GABRB1: variants seen among roughly 807,000 people sequenced by gnomAD.
The protein encoded by GABRB1 is gamma-aminobutyric acid receptor subunit beta-1.
GABRB1 carries 17 observed loss-of-function variants against 51.6 expected under a neutral mutation model. The observed-to-expected ratio is 0.33, with a 90% CI of 0.23 to 0.49. The LOEUF (loss-of-function observed/expected upper bound fraction) is 0.49. GABRB1 is among the 20% of genes least tolerant of loss of function. The pLI, the probability that GABRB1 is intolerant of heterozygous loss-of-function variation, is 0.99. For missense variants in GABRB1, 410 were observed against 600.6 expected (o/e 0.68, Z 3.32); for synonymous variants, 247 against 218.9 (o/e 1.13, Z -1.14).
At chr4:47,284,055 G>A (rs576242123) in intron 4 of GABRB1, among the ~76,000 whole-genome samples, 1 of 136,496 alleles carries the variant, frequency 7.3e-6, no homozygotes, top group East Asian at 2.2e-4. Flanking sequence ...CCGGGTCAGC[G>A]CCACTGCACT....
intron 4 of GABRB1, among the ~76,000 whole-genome samples, chr4:47,264,695 A>T (rs1057360968): frequency 6.6e-6 from 1 of 152,238 alleles, no homozygotes; most frequent in African/African-American, 2.4e-5. Context: ...TAAAGTGTAG[A>T]ATTACATGAA....
rs17539515 is a variant in GABRB1, at chr4:47,274,167, T to C, written c.462-45960T>C. Among the ~76,000 whole-genome samples, 836 of 152,266 alleles carry C rather than the reference T, an allele frequency of 5.5e-3. 4 individuals carry two copies. The highest frequency in any genetic ancestry group is 0.014 in the Middle Eastern group (4 of 294). On this transcript the variant is annotated intron_variant, in intron 4 of 8. Coordinates refer to ENST00000295454, the MANE Select transcript of GABRB1 (RefSeq NM_000812.4). Reference sequence around the variant, plus strand: ...TGGCTCAAATCCAAATTTTACTTCTTGCTACATACACTTAACCTTATTAAG... The same window carrying C: ...TGGCTCAAATCCAAATTTTACTTCTCGCTACATACACTTAACCTTATTAAG...
chr4:47,184,915 G>T (rs765695622), intron 4 of GABRB1, among the ~76,000 whole-genome samples: 1 of 151,722 alleles, frequency 6.6e-6, no homozygotes, highest in Non-Finnish European at 1.5e-5. Flanking sequence ...AACAGGTCAG[G>T]ACTCAGGGGT....
At chr4:47,366,659 C>G (rs1448388777) in intron 5 of GABRB1, among the ~76,000 whole-genome samples, 3 of 152,112 alleles carry the variant, frequency 2.0e-5, no homozygotes, top group Admixed American at 2.0e-4. Context: ...ATTATCCCCC[C>G]TTTTGAAACA....
At chr4:47,282,101 CTCTT>C (rs1723313348) in intron 4 of GABRB1, among the ~76,000 whole-genome samples, 1 of 152,114 alleles carries the variant, frequency 6.6e-6, no homozygotes, top group South Asian at 2.1e-4. Context: ...AATTGATTGA[CTCTT>C]TCTATAATAG....
intron 4 of GABRB1, among the ~76,000 whole-genome samples, chr4:47,195,292 G>A (rs1266031402): frequency 3.3e-5 from 5 of 152,140 alleles, no homozygotes; most frequent in South Asian, 2.1e-4. Flanking sequence ...GCGTGAACCC[G>A]GGAGGTGGAG....
intron 4 of GABRB1, among the ~76,000 whole-genome samples, chr4:47,300,433 A>G (rs1472795562): frequency 6.6e-6 from 1 of 152,136 alleles, no homozygotes; most frequent in Non-Finnish European, 1.5e-5. Flanking sequence ...TTGTCAGAAT[A>G]ATGATCCAGT....
chr4:47,299,824 A>G (rs1352053475), intron 4 of GABRB1, among the ~76,000 whole-genome samples: 3 of 152,056 alleles, frequency 2.0e-5, no homozygotes, highest in African/African-American at 4.8e-5. Flanking sequence ...ACAATAGCAA[A>G]GACTTGGAAC....
chr4:47,147,512 A>C (rs1717224965), intron 3 of GABRB1, among the ~76,000 whole-genome samples: 1 of 152,096 alleles, frequency 6.6e-6, no homozygotes, highest in Non-Finnish European at 1.5e-5. Context: ...GGATGTAGCA[A>C]GAGAATTACG....
chr4:47,249,548 T>C (rs1721900021), intron 4 of GABRB1, among the ~76,000 whole-genome samples: 1 of 151,992 alleles, frequency 6.6e-6, no homozygotes, highest in African/African-American at 2.4e-5. Flanking sequence ...ACTATTATTG[T>C]GTTGCTGTCT....
intron 5 of GABRB1, among the ~76,000 whole-genome samples, chr4:47,349,250 G>A (rs891346072): frequency 6.6e-6 from 1 of 152,084 alleles, no homozygotes; most frequent in Non-Finnish European, 1.5e-5. Context: ...GGTGACACAG[G>A]GTAAGGAAGA....
intron 4 of GABRB1, among the ~76,000 whole-genome samples, chr4:47,295,767 G>T (rs1723963666): frequency 6.6e-6 from 1 of 152,130 alleles, no homozygotes; most frequent in African/African-American, 2.4e-5. Context: ...ATGCCACAAA[G>T]ATACTCCTCG....
chr4:47,282,416 T>C (rs2109909271), intron 4 of GABRB1, among the ~76,000 whole-genome samples: 1 of 152,352 alleles, frequency 6.6e-6, no homozygotes, highest in Middle Eastern at 3.4e-3. Context: ...TATATACTTT[T>C]TAACTGATGT....
At chr4:47,350,200 T>TAGAGAG (rs1440025559) in intron 5 of GABRB1, among the ~76,000 whole-genome samples, 3 of 87,734 alleles carry the variant, frequency 3.4e-5, no homozygotes, top group South Asian at 4.2e-4. Flanking sequence ...TATATATATA[T>TAGAGAG]ATATATATAT....
At chr4:47,348,037 C>A (rs1390261969) in intron 5 of GABRB1, among the ~76,000 whole-genome samples, 1 of 152,096 alleles carries the variant, frequency 6.6e-6, no homozygotes, top group Non-Finnish European at 1.5e-5. Flanking sequence ...AACAGAATGC[C>A]TCCTCCTTCT....
At chr4:47,354,166 G>A (rs985912426) in intron 5 of GABRB1, among the ~76,000 whole-genome samples, 2 of 152,114 alleles carry the variant, frequency 1.3e-5, no homozygotes, top group African/African-American at 4.8e-5. Flanking sequence ...GTAGCACAGG[G>A]GGCAGCCCTC....
chr4:47,031,485 G>A (rs1041617849), upstream of GABRB1: 1 of 626,510 alleles, frequency 1.6e-6, no homozygotes, highest in Non-Finnish European at 2.8e-6. Flanking sequence ...ATTGAAATCT[G>A]TTGCCTGTTC....
chr4:47,280,814 A>ATTTTT (rs750413197), intron 4 of GABRB1, among the ~76,000 whole-genome samples: 1 of 124,984 alleles, frequency 8.0e-6, no homozygotes, highest in African/African-American at 3.1e-5. Flanking sequence ...TGTCTGGCTA[A>ATTTTT]TTTTTTTTTT....
chr4:47,121,021 C>G (rs1458906633), intron 3 of GABRB1, among the ~76,000 whole-genome samples: 1 of 152,192 alleles, frequency 6.6e-6, no homozygotes. Context: ...CAGGACAGCA[C>G]TAAGACTTGC....
Sources: allele counts gnomAD v4.1 joint callset (sites outside exome capture counted in the v4.1 genomes callset), GRCh38; gene constraint gnomAD v4.1.1; transcripts MANE v1.5; gene names NCBI Gene and HGNC (gene_info 2026-07-23, HGNC 2026-07-21).